The following MGAT5B variants were observed in gnomAD, a reference collection of about 807,000 sequenced individuals.
The protein encoded by MGAT5B is N-acetylglucosaminyl-transferase Vb.
MGAT5B carries 54 observed loss-of-function variants against 95.1 expected under a neutral mutation model. The ratio of observed to expected loss-of-function variants is 0.57; its 90% confidence interval spans 0.46 to 0.71. MGAT5B has a LOEUF of 0.71. MGAT5B is among the 30% of genes least tolerant of loss of function. MGAT5B has a pLI of 0.00. For missense variants in MGAT5B, 935 were observed against 1,088.6 expected, an observed-to-expected ratio of 0.86 and a Z score of 1.99; for synonymous variants, 464 against 451.0, an observed-to-expected ratio of 1.03 and a Z score of -0.36.
In MGAT5B at chr17:76,932,551, A is replaced by G. The variant is rs574702335; in HGVS notation, c.1292-94A>G. The G allele has an allele frequency of 8.3e-4, 1,215 of 1,456,612 alleles. 2 individuals are homozygous for G. Among genetic ancestry groups the G allele is most frequent in the African/African-American group, 7.8e-3 (551 of 70,392 alleles). The allele number at this position is 1,456,612 out of a possible 1,614,324, so 90.2% of individuals were successfully genotyped here. A position where few individuals can be genotyped will look rare whatever the true frequency, so the allele number is the denominator to read the frequency against. ...CCCCGCCCCCTTTCCCACCCCTGCC[A>G]AAAGAGGACCTCTTGGGCGGGGCAG... On this transcript the variant is annotated intron_variant, in intron 10 of 17. Transcript: ENST00000569840.
At chr17:76,883,751 G>A (rs1458417161) in intron 3 of MGAT5B, among the ~76,000 whole-genome samples, 6 of 152,236 alleles carry the variant, frequency 3.9e-5, no homozygotes, top group African/African-American at 1.4e-4. Context: ...TTGCAGAAAA[G>A]CTATTTCTCA....
intron 2 of MGAT5B, among the ~76,000 whole-genome samples, chr17:76,873,716 C>A (rs538513399): frequency 1.3e-5 from 2 of 152,142 alleles, no homozygotes; most frequent in Admixed American, 6.5e-5. Context: ...GGGTGGGGGT[C>A]AGAACTGAGC....
Position 76,916,564 on chromosome 17 carries a change from G to A in MGAT5B, c.1026-8402G>A, listed in dbSNP as rs1473816885. Among the ~76,000 whole-genome samples the A allele has an allele frequency of 6.6e-6, 1 of 152,188 alleles. No individual in the cohort carries two copies. Among genetic ancestry groups the A allele is most frequent in the Non-Finnish European group, 1.5e-5 (1 of 68,022 alleles). ...TAACCCCAGCACTTTGGGAGGCTGG[G>A]ATTACAGGCAGATCCCTTGAGTCTA... On this transcript the variant is annotated intron_variant, in intron 8 of 17. Transcript: ENST00000569840. This position sits in a 1 kb window ranked among gnomAD's most constrained non-coding sequence, Gnocchi z 5.3.
chr17:76,926,775 T>C (rs2145243100), intron 10 of MGAT5B, 45 bp downstream of exon 10: 2 of 1,603,078 alleles, frequency 1.2e-6, no homozygotes, highest in East Asian at 4.5e-5. Flanking sequence ...GTCCTCCTCA[T>C]GGTTCTCAGA....
chr17:76,940,974 C>G lies in MGAT5B; in HGVS notation c.1848+126C>G. On this transcript the variant is annotated intron_variant, in intron 15 of 17. Coordinates refer to ENST00000569840, the MANE Select transcript of MGAT5B (RefSeq NM_001199172.2). The surrounding 1 kb of genome is among the most constrained non-coding windows in gnomAD (Gnocchi z 4.3). Reference sequence around the variant, plus strand: ...GCAGGCCTGGGTTGGCAAAGGTGTCCATCCCTCCCCTGGTCAGACACAGCC... The same window carrying G: ...GCAGGCCTGGGTTGGCAAAGGTGTCGATCCCTCCCCTGGTCAGACACAGCC... 1.4e-6 allele frequency: 1 copy of G among 709,642 alleles called. No individual in the cohort carries two copies. Among genetic ancestry groups the G allele is most frequent in the Non-Finnish European group, 2.4e-6 (1 of 416,038 alleles). 44.0% of individuals were successfully genotyped at this position (709,642 alleles called of 1,614,324 possible).
chr17:76,932,863 G>C, intron 11 of MGAT5B, 88 bp downstream of exon 11: 1 of 1,524,632 alleles, frequency 6.6e-7, no homozygotes, highest in Non-Finnish European at 8.8e-7. Context: ...CCAGGATGCG[G>C]TGCCCTCCTC....
chr17:76,929,107 C>A (rs571436900), intron 10 of MGAT5B, among the ~76,000 whole-genome samples: 1 of 152,254 alleles, frequency 6.6e-6, no homozygotes, highest in Admixed American at 6.5e-5. Context: ...CTCAGGTGAT[C>A]CACCTGCCTC....
chr17:76,887,783 C>T (rs1171223782), intron 3 of MGAT5B, among the ~76,000 whole-genome samples: 1 of 151,792 alleles, frequency 6.6e-6, no homozygotes, highest in African/African-American at 2.4e-5. Context: ...TCTCGAACTC[C>T]TGACCTCATG....
intron 3 of MGAT5B, among the ~76,000 whole-genome samples, chr17:76,882,751 G>A (rs1224105431): frequency 8.6e-6 from 1 of 116,392 alleles, no homozygotes; most frequent in Non-Finnish European, 1.6e-5. Flanking sequence ...GGTTGACTCT[G>A]TCACCCAGGC....
intron 10 of MGAT5B, among the ~76,000 whole-genome samples, chr17:76,927,183 G>T (rs1969339313): frequency 6.6e-6 from 1 of 152,186 alleles, no homozygotes; most frequent in Non-Finnish European, 1.5e-5. Flanking sequence ...GCAGGATTGG[G>T]CTTGGCTTCC....
In MGAT5B at chr17:76,916,852, C is replaced by T. The variant is rs562566931; in HGVS notation, c.1026-8114C>T. Among the ~76,000 whole-genome samples the T allele has an allele frequency of 1.4e-4, 21 of 152,032 alleles. No individual in the cohort carries two copies. Among genetic ancestry groups the T allele is most frequent in the Non-Finnish European group, 2.6e-4 (18 of 68,004 alleles). ...TGGAGAGGAGGAAGGTGGCAGTGGA[C>T]GAGCTTCAGGAACCATCTGTCAGGG... On this transcript the variant is annotated intron_variant, in intron 8 of 17. Coordinates refer to ENST00000569840, the MANE Select transcript of MGAT5B (RefSeq NM_001199172.2). This position sits in a 1 kb window ranked among gnomAD's most constrained non-coding sequence, Gnocchi z 5.3.
chr17:76,938,108 C>T lies in MGAT5B; in HGVS notation c.1549C>T (p.Gln517Ter). Residue 517 changes from glutamine to a stop codon, truncating the protein, a stop_gained, in exon 13 of 18, where the codon CAG (glutamine) becomes TAG (stop). Coordinates refer to ENST00000569840, the MANE Select transcript of MGAT5B (RefSeq NM_001199172.2). LOFTEE classifies it high-confidence loss of function. This position sits in a 1 kb window ranked among gnomAD's most constrained non-coding sequence, Gnocchi z 4.3. ...AFVKNHGLLP[Q>*]PEFQQLLRKA... is the part of the protein sequence containing the mutation. ...TGTGAAGAACCACGGCCTCTTACCG[C>T]AGCCTGAGTTTCAGCAGCTGCTGCG... The T allele has an allele frequency of 6.2e-7, 1 of 1,614,258 alleles. No individual in the cohort carries two copies. The highest frequency in any genetic ancestry group is 8.5e-7 in the Non-Finnish European group (1 of 1,180,036).
chr17:76,877,611 C>T (rs180813724), intron 2 of MGAT5B, among the ~76,000 whole-genome samples: 112 of 152,290 alleles, frequency 7.4e-4, no homozygotes, highest in Middle Eastern at 3.4e-3. Flanking sequence ...TGGCCTCCCA[C>T]GGCCTGTCCT....
At chr17:76,902,473 C>A in intron 3 of MGAT5B, 82 bp from the exon 4 acceptor site, 2 of 1,015,916 alleles carry the variant, frequency 2.0e-6, no homozygotes, top group Non-Finnish European at 3.0e-6. Flanking sequence ...GCCGCCTTTG[C>A]CTGTGGGCCT....
rs756107005 is a variant in MGAT5B at position 76,948,076 on chromosome 17, G to T, written c.2170G>T (p.Ala724Ser). The T allele has an allele frequency of 6.2e-7, 1 of 1,600,630 alleles. No homozygotes were observed. Among genetic ancestry groups the T allele is most frequent in the Non-Finnish European group, 8.5e-7 (1 of 1,173,070 alleles). Residue 724 changes from alanine to serine, a missense_variant, in exon 17 of 18, where the codon GCC becomes TCC. By Grantham distance (99) the Ala-to-Ser change is moderately conservative. This residue lies in a region of MGAT5B where 440 missense variants were observed against 523.6 expected (regional missense o/e 0.84). Coordinates refer to ENST00000569840, the MANE Select transcript of MGAT5B (RefSeq NM_001199172.2). The part of the protein sequence containing the change: ...SFFPFLNSQD[A>S]FLKLQVPCDS... ...CTTCCCCTTCCTGAACAGCCAGGAC[G>T]CCTTCCTCAAGTGAGTGTTCCCCCA... is the stretch of plus-strand genomic sequence containing the variant.
Position 76,906,136 on chromosome 17 carries a change from A to G in MGAT5B, c.974A>G (p.Tyr325Cys), listed in dbSNP as rs765073448. The G allele has an allele frequency of 6.2e-7, 1 of 1,607,810 alleles. No individual in the cohort carries two copies. Among genetic ancestry groups the G allele is most frequent in the South Asian group, 1.1e-5 (1 of 90,568 alleles). ...TGGGCGGACATTCTGACTGCACTCT[A>G]TGTCCTGGGCCATGGCCTGCGGGTC... ...VQWADILTAL[Y>C]VLGHGLRVTV... The change falls in exon 8 of 18, where the codon TAT becomes TGT. Residue 325 changes from tyrosine to cysteine, a missense_variant. Around this residue, in one of 4 missense-constraint regions of MGAT5B, gnomAD observed 243 missense variants for 305.5 expected, o/e 0.80. Transcript: ENST00000569840. The surrounding 1 kb of genome is among the most constrained non-coding windows in gnomAD (Gnocchi z 4.6).
Position 76,912,746 on chromosome 17 carries a change from C to T in MGAT5B, c.1025+6559C>T, listed in dbSNP as rs138335709. On this transcript the variant is annotated intron_variant, in intron 8 of 17. Coordinates refer to ENST00000569840, the MANE Select transcript of MGAT5B (RefSeq NM_001199172.2). The surrounding 1 kb of genome is among the most constrained non-coding windows in gnomAD (Gnocchi z 5.0). ...GGTGAGGGAGGTGGCACGAGGGAGC[C>T]GTGCGCTCTGTGATGAGACTGCAGC... Among the ~76,000 whole-genome samples, 2 of 152,188 alleles carry T rather than the reference C, an allele frequency of 1.3e-5. No homozygotes were observed. The highest frequency in any genetic ancestry group is 2.4e-5 in the African/African-American group (1 of 41,524).
chr17:76,948,674 A>G lies in MGAT5B; in HGVS notation c.2215A>G (p.Met739Val). Residue 739 changes from methionine to valine, a missense_variant, in exon 18 of 18, where the codon ATG becomes GTG. This residue lies in a region of MGAT5B where 440 missense variants were observed against 523.6 expected (regional missense o/e 0.84). Coordinates refer to ENST00000569840, the MANE Select transcript of MGAT5B (RefSeq NM_001199172.2). ...GCCCTGTGACAGCACCGAGTCGGAG[A>G]TGAACCACCTGTACCCGGCGTTCGC... ...QVPCDSTESE[M>V]NHLYPAFAQP... The G allele has an allele frequency of 6.2e-7, 1 of 1,613,342 alleles. No homozygotes were observed. Among genetic ancestry groups the G allele is most frequent in the Non-Finnish European group, 8.5e-7 (1 of 1,179,848 alleles).
At chr17:76,880,518 G>T (rs537303084) in intron 2 of MGAT5B, among the ~76,000 whole-genome samples, 1 of 152,154 alleles carries the variant, frequency 6.6e-6, no homozygotes, top group South Asian at 2.1e-4. Flanking sequence ...CCCCTGCTCC[G>T]CCCACTGCCT....
Sources: allele counts gnomAD v4.1 joint callset (sites outside exome capture counted in the v4.1 genomes callset), GRCh38; gene constraint gnomAD v4.1.1; regional missense constraint gnomAD v4.1.1; non-coding constraint Gnocchi (gnomAD v3.1); transcripts MANE v1.5; gene names NCBI Gene and HGNC (gene_info 2026-07-23, HGNC 2026-07-21).